FAT2: variants seen among roughly 807,000 people sequenced by gnomAD.
FAT2 encodes the protein protocadherin Fat 2.
Under a neutral mutation model 295.3 loss-of-function variants are expected in FAT2, and 150 were observed. That is an observed-to-expected ratio of 0.51 (90% CI 0.44 to 0.58). The LOEUF (loss-of-function observed/expected upper bound fraction) is 0.58, where lower values mean the gene tolerates loss of function less well. FAT2 is among the 20% of genes least tolerant of loss of function. The pLI, the probability that FAT2 is intolerant of heterozygous loss-of-function variation, is 0.00. For missense variants in FAT2, 4,868 were observed against 5,442.7 expected (o/e 0.89, Z 3.32); for synonymous variants, 2,026 against 2,150.3 (o/e 0.94, Z 1.60).
intron 13 of FAT2, among the ~76,000 whole-genome samples, chr5:151,534,061 A>G (rs1754970296): frequency 6.6e-6 from 1 of 152,178 alleles, no homozygotes; most frequent in South Asian, 2.1e-4. Flanking sequence ...GAGGCAAATC[A>G]ATCAGAATTG....
chr5:151,558,636 G>A (rs916056421), intron 3 of FAT2, among the ~76,000 whole-genome samples: 3 of 151,884 alleles, frequency 2.0e-5, no homozygotes, highest in Admixed American at 2.0e-4. Context: ...CTTGTCAGGA[G>A]CTACAGCAGA....
rs79041324 is a variant in FAT2, at chr5:151,552,893, A to G, written c.4156+284T>C. On this transcript the variant is annotated intron_variant, in intron 6 of 23. Transcript: ENST00000261800. Reference sequence around the variant, plus strand: ...GCATTTCTGCTCTGGGTCTTCCTGAACCATTTTAGGTCTCCTAGGCCCTTG... The same window carrying G: ...GCATTTCTGCTCTGGGTCTTCCTGAGCCATTTTAGGTCTCCTAGGCCCTTG... Among the ~76,000 whole-genome samples the G allele has an allele frequency of 9.3e-3, 1,424 of 152,336 alleles. 19 individuals carry two copies. The highest frequency in any genetic ancestry group is 0.033 in the African/African-American group (1,369 of 41,576).
chr5:151,505,746 A>C lies in FAT2; in HGVS notation c.12869T>G (p.Leu4290Arg), dbSNP rs773895524. 6.2e-7 allele frequency: 1 copy of C among 1,613,412 alleles called. No individual in the cohort carries two copies. The highest frequency in any genetic ancestry group is 1.3e-5 in the African/African-American group (1 of 75,002). Residue 4290 changes from leucine to arginine, a missense_variant, in exon 24 of 24, where the codon CTG (leucine) becomes CGG (arginine). Leu to Arg is a moderately radical substitution (Grantham distance 102). Around this residue, in one of 5 missense-constraint regions of FAT2, gnomAD observed 492 missense variants for 482.6 expected, o/e 1.02. Coordinates refer to ENST00000261800, the MANE Select transcript of FAT2 (RefSeq NM_001447.3). ...QFRQGGGGPC[L>R]ADGGYKGVGM... is the part of the protein sequence containing the mutation. Reference sequence around the variant, plus strand: ...CACCCCCTTGTAGCCCCCGTCTGCCAGGCAGGGCCCTCCCCCTCCCTGCCG... The same window carrying C: ...CACCCCCTTGTAGCCCCCGTCTGCCCGGCAGGGCCCTCCCCCTCCCTGCCG...
intron 1 of FAT2, among the ~76,000 whole-genome samples, chr5:151,579,823 T>C (rs570469382): frequency 6.6e-6 from 1 of 152,294 alleles, no homozygotes; most frequent in African/African-American, 2.4e-5. Flanking sequence ...CTGTTAAACA[T>C]TCAGCACATG....
intron 5 of FAT2, among the ~76,000 whole-genome samples, chr5:151,553,956 G>T (rs959889670): frequency 2.0e-5 from 3 of 152,182 alleles, no homozygotes; most frequent in Non-Finnish European, 2.9e-5. Context: ...GCACCCATGC[G>T]CTAGCTACCT....
At position 151,505,920 on chromosome 5, in the gene FAT2, A is replaced by G. The variant is rs757254130; in HGVS notation, c.12695T>C (p.Met4232Thr). The G allele has an allele frequency of 8.2e-6, 13 of 1,587,558 alleles. No individual in the cohort carries two copies. The East Asian group carries it at 1.6e-4, about 19-fold the overall frequency. The change falls in exon 24 of 24, where the codon ATG becomes ACG. Residue 4232 changes from methionine to threonine, a missense_variant. Coordinates refer to ENST00000261800, the MANE Select transcript of FAT2 (RefSeq NM_001447.3). ...LYGGFPFPLE[M>T]ENKRAPLPPR... Reference sequence around the variant, plus strand: ...TGGGAGAGGTGCCCGCTTGTTTTCCATCTCCAGGGGGAAGGGGAAGCCCCC... The same window carrying G: ...TGGGAGAGGTGCCCGCTTGTTTTCCGTCTCCAGGGGGAAGGGGAAGCCCCC...
chr5:151,569,301 G>A lies in FAT2; in HGVS notation c.-20-350C>T, dbSNP rs181938572. The stretch of plus-strand genomic sequence containing the variant: ...CCCATAATCATGGCAGAAGGCAAAG[G>A]AAAAGCAAAGTCATATCTTACTTGG... On this transcript the variant is annotated intron_variant, in intron 1 of 23. Coordinates refer to ENST00000261800, the MANE Select transcript of FAT2 (RefSeq NM_001447.3). Among the ~76,000 whole-genome samples the A allele has an allele frequency of 3.0e-3, 461 of 152,314 alleles. 1 individual carries two copies. Among genetic ancestry groups the A allele is most frequent in the Middle Eastern group, 0.01 (3 of 294 alleles).
chr5:151,584,228 G>A (rs1367830646), intron 1 of FAT2, among the ~76,000 whole-genome samples: 1 of 151,856 alleles, frequency 6.6e-6, no homozygotes, highest in Non-Finnish European at 1.5e-5. Flanking sequence ...GCATACCAGG[G>A]CTGTGGAAAA....
rs1452825007 is a variant in FAT2, at chr5:151,507,443, G to A, written c.12228C>T (p.His4076=). ...LLFYCRRCKS[H]KPVAMEDPDL... is the part of the protein sequence containing the mutation. ...CTGGGTCCTCCATGGCCACAGGCTTGTGAGACTTGCAACGGCGGCAGTAGA... is the reference window on the plus strand; with the variant it reads ...CTGGGTCCTCCATGGCCACAGGCTTATGAGACTTGCAACGGCGGCAGTAGA... Residue 4076 remains histidine, a synonymous_variant, in exon 23 of 24, where the codon CAC becomes CAT. Coordinates refer to ENST00000261800, the MANE Select transcript of FAT2 (RefSeq NM_001447.3). The A allele has an allele frequency of 1.4e-5, 22 of 1,614,186 alleles. No homozygotes were observed. Among genetic ancestry groups the A allele is most frequent in the Non-Finnish European group, 1.8e-5 (21 of 1,180,038 alleles).
intron 1 of FAT2, among the ~76,000 whole-genome samples, chr5:151,571,246 G>A (rs1758510987): frequency 6.6e-6 from 1 of 152,012 alleles, no homozygotes; most frequent in South Asian, 2.1e-4. Context: ...CAAGCAGAAG[G>A]GGACGCCTGA....
At chr5:151,530,597 G>A (rs1379015882) in intron 14 of FAT2, among the ~76,000 whole-genome samples, 1 of 152,240 alleles carries the variant, frequency 6.6e-6, no homozygotes, top group East Asian at 1.9e-4. Flanking sequence ...ATGTTTTGGG[G>A]ATACTAACAA....
chr5:151,509,665 A>G (rs1761165811), intron 22 of FAT2: 1 of 230,194 alleles, frequency 4.3e-6, no homozygotes, highest in South Asian at 7.7e-5. Flanking sequence ...TAGTTGCAGG[A>G]AAACAAGCTC....
chr5:151,579,982 A>G (rs976249674), intron 1 of FAT2, among the ~76,000 whole-genome samples: 5 of 152,344 alleles, frequency 3.3e-5, no homozygotes, highest in African/African-American at 1.2e-4. Context: ...TCCCTTTGTC[A>G]GTGAAATCCC....
At chr5:151,535,552 C>T (rs1755181587) in intron 12 of FAT2, among the ~76,000 whole-genome samples, 1 of 152,178 alleles carries the variant, frequency 6.6e-6, no homozygotes. Context: ...CCTCGCCCTA[C>T]ACCTCTCTTC....
At chr5:151,565,579 G>A in intron 2 of FAT2, 94 bp downstream of exon 2, 1 of 1,289,094 alleles carries the variant, frequency 7.8e-7, no homozygotes, top group Non-Finnish European at 1.0e-6. Flanking sequence ...CCTGCAGGCT[G>A]ACTCCTTTTT....
chr5:151,528,102 T>C lies in FAT2; in HGVS notation c.10058A>G (p.Asn3353Ser), dbSNP rs1561831228. The C allele has an allele frequency of 6.2e-7, 1 of 1,614,156 alleles. No homozygotes were observed. Among genetic ancestry groups the C allele is most frequent in the South Asian group, 1.1e-5 (1 of 91,078 alleles). ...TATGAGGCTATAGGTAATGTCACTA[T>C]TTAGGGGTCCATCTTCATCAGTCGC... is the stretch of plus-strand genomic sequence containing the variant. ...VSATDEDGPL[N>S]SDITYSLIGG... is the part of the protein sequence containing the mutation. Residue 3353 changes from asparagine (N) to serine (S), a missense_variant, in exon 16 of 24, where the codon AAT becomes AGT. Transcript: ENST00000261800.
chr5:151,536,566 TCCA>T (rs950654023), intron 12 of FAT2, among the ~76,000 whole-genome samples: 7 of 152,050 alleles, frequency 4.6e-5, no homozygotes, highest in African/African-American at 1.7e-4. Flanking sequence ...CCAAAGGAAG[TCCA>T]CTCCACCAGA....
At chr5:151,533,728 T>C (rs191868180) in intron 13 of FAT2, among the ~76,000 whole-genome samples, 25 of 151,916 alleles carry the variant, frequency 1.6e-4, no homozygotes, top group African/African-American at 5.8e-4. Context: ...TACATATATA[T>C]ATACATACAC....
At position 151,504,976 on chromosome 5, in the gene FAT2, T is replaced by A. The variant is rs1760729603; in HGVS notation, c.*589A>T. 1 of 153,832 alleles carries A rather than the reference T, an allele frequency of 6.5e-6. No homozygotes were observed. Among genetic ancestry groups the A allele is most frequent in the South Asian group, 2.1e-4 (1 of 4,876 alleles). The allele number at this position is 153,832 out of a possible 1,614,324, so 9.5% of individuals were successfully genotyped here. A position where few individuals can be genotyped will look rare whatever the true frequency, so the allele number is the denominator to read the frequency against. On this transcript the variant is annotated 3_prime_UTR_variant, in exon 24 of 24. Coordinates refer to ENST00000261800, the MANE Select transcript of FAT2 (RefSeq NM_001447.3). ...ATTTTCTCCCCGGTGCAAAGCACAG[T>A]GCCTGACGTGGAGCAGACACTTGAC...
Sources: allele counts gnomAD v4.1 joint callset (sites outside exome capture counted in the v4.1 genomes callset), GRCh38; gene constraint gnomAD v4.1.1; regional missense constraint gnomAD v4.1.1; transcripts MANE v1.5; gene names NCBI Gene and HGNC (gene_info 2026-07-23, HGNC 2026-07-21).